SPRR5: variants seen among roughly 807,000 people sequenced by gnomAD.
SPRR5 encodes the protein small proline-rich protein 5.
Position 152,948,380 on chromosome 1 carries a change from G to GCA in SPRR5, c.-18-156_-18-155insAC, listed in dbSNP as rs201730344. The stretch of plus-strand genomic sequence containing the variant: ...GTAAACACTTAAAGTTTACACATGC[G>GCA]CGCGCGCACACACACACACACACTC... On this transcript the variant is annotated intron_variant, in intron 1 of 1. Transcript: ENST00000636302. Among the ~76,000 whole-genome samples, 123 of 138,004 alleles carry GCA rather than the reference G, an allele frequency of 8.9e-4. 1 individual carries two copies. In the East Asian group the frequency reaches 0.024, roughly 27 times the overall value. 90.5% of individuals were successfully genotyped at this position (138,004 alleles called of 152,430 possible).
In SPRR5 at chr1:152,948,584, T is replaced by TGCCC; in HGVS notation, c.30_31insGCCC (p.Pro11AlafsTer167). The stretch of plus-strand genomic sequence containing the variant: ...CTCAGCAGAAGCAGAAGCAGTGTGC[T>TGCCC]CCCCCGCAGCAGTGCTGCCCCCCAC... On this transcript the variant is annotated frameshift_variant, in exon 2 of 2. Coordinates refer to ENST00000636302, the Ensembl canonical transcript of SPRR5. LOFTEE classifies it high-confidence loss of function. 1 of 298,438 alleles carries TGCCC rather than the reference T, an allele frequency of 3.4e-6. No homozygotes were observed. The allele number at this position is 298,438 out of a possible 1,614,324, so 18.5% of individuals were successfully genotyped here. A position where few individuals can be genotyped will look rare whatever the true frequency, so the allele number is the denominator to read the frequency against.
At chr1:152,948,933 T>C in exon 2 of SPRR5, 1 of 190,778 alleles carries the variant, frequency 5.2e-6, no homozygotes, top group East Asian at 1.2e-4. Context: ...GAGCATGAAG[T>C]TCCTTCTGGG....
chr1:152,947,897 C>A (rs189110649), intron 1 of SPRR5, among the ~76,000 whole-genome samples: 118 of 152,218 alleles, frequency 7.8e-4, no homozygotes, highest in Non-Finnish European at 1.3e-3. Flanking sequence ...GGTTAAGATG[C>A]GCCTTTTAAA....
intron 1 of SPRR5, 57 bp from the exon 2 acceptor site, chr1:152,948,480 G>A: frequency 7.0e-6 from 2 of 283,896 alleles, no homozygotes; most frequent in Non-Finnish European, 1.3e-5. Flanking sequence ...GTTCACCTGG[G>A]CTTAGGGTCT....
At chr1:152,947,369 C>T (rs753173023) in intron 1 of SPRR5, 121 bp downstream of exon 1, 1 of 152,286 alleles carries the variant, frequency 6.6e-6, no homozygotes, top group African/African-American at 2.4e-5. Flanking sequence ...TGGGGTACCT[C>T]TTTTTTCCAT....
chr1:152,948,501 CA>C (rs1284699793), intron 1 of SPRR5, 35 bp from the exon 2 acceptor site: 1 of 306,998 alleles, frequency 3.3e-6, no homozygotes, highest in Non-Finnish European at 6.0e-6. Flanking sequence ...CTCTATGGCT[CA>C]AGTGTTCCTC....
chr1:152,947,767 C>G (rs1651095523), intron 1 of SPRR5, among the ~76,000 whole-genome samples: 1 of 152,154 alleles, frequency 6.6e-6, no homozygotes, highest in African/African-American at 2.4e-5. Flanking sequence ...TGCCGAGTGG[C>G]TTTGAAGCCA....
At chr1:152,948,923 G>T in exon 2 of SPRR5, 1 of 208,178 alleles carries the variant, frequency 4.8e-6, no homozygotes, top group Non-Finnish European at 9.7e-6. Context: ...AGGAAAAACA[G>T]AGCATGAAGT....
rs973029150 is a variant in SPRR5 at position 152,948,060 on chromosome 1, C to G, written c.-18-477C>G. Reference sequence around the variant, plus strand: ...TACTCATTTAATTTTTGCACCAACTCTAAGAGAGGTAAGTATGGAAAACCT... The same window carrying G: ...TACTCATTTAATTTTTGCACCAACTGTAAGAGAGGTAAGTATGGAAAACCT... On this transcript the variant is annotated intron_variant, in intron 1 of 1. Coordinates refer to ENST00000636302, the Ensembl canonical transcript of SPRR5. Among the ~76,000 whole-genome samples the G allele has an allele frequency of 2.6e-5, 4 of 152,132 alleles. No homozygotes were observed. The South Asian group carries it at 6.2e-4, about 24-fold the overall frequency.
chr1:152,947,346 A>T (rs532766837), intron 1 of SPRR5, 98 bp downstream of exon 1: 1 of 152,370 alleles, frequency 6.6e-6, no homozygotes, highest in African/African-American at 2.4e-5. Context: ...GTGGTCAGAA[A>T]GGATGGGTCT....
chr1:152,947,461 A>AG (rs1168679864), intron 1 of SPRR5, among the ~76,000 whole-genome samples: 1 of 152,046 alleles, frequency 6.6e-6, no homozygotes, highest in Non-Finnish European at 1.5e-5. Flanking sequence ...AGGGAGAAGG[A>AG]GGGGGGTATC....
chr1:152,947,643 T>C (rs918325480), intron 1 of SPRR5, among the ~76,000 whole-genome samples: 4 of 152,138 alleles, frequency 2.6e-5, no homozygotes, highest in Non-Finnish European at 4.4e-5. Context: ...ACAGACTCCC[T>C]TGGGACAGCA....
intron 1 of SPRR5, 60 bp downstream of exon 1, chr1:152,947,308 A>G (rs1651084633): frequency 6.6e-6 from 1 of 152,240 alleles, no homozygotes; most frequent in African/African-American, 2.4e-5. Flanking sequence ...TCCCTAACCA[A>G]CTATGGACTG....
At chr1:152,949,070 C>T (rs1421650373) in exon 2 of SPRR5, 1 of 154,280 alleles carries the variant, frequency 6.5e-6, no homozygotes, top group East Asian at 1.9e-4. Context: ...GAGCTCTACT[C>T]TTCTTAATTA....
intron 1 of SPRR5, 119 bp downstream of exon 1, chr1:152,947,367 C>T (rs1459180205): frequency 1.3e-5 from 2 of 152,266 alleles, no homozygotes; most frequent in African/African-American, 2.4e-5. Context: ...TTTGGGGTAC[C>T]TCTTTTTTCC....
At chr1:152,947,271 T>G (rs1164551903) in intron 1 of SPRR5, 23 bp downstream of exon 1, 1 of 152,280 alleles carries the variant, frequency 6.6e-6, no homozygotes, top group Non-Finnish European at 1.5e-5. Flanking sequence ...AGGTAGTACC[T>G]CTTATAGCAG....
exon 2 of SPRR5, chr1:152,949,138 C>T (rs1264598512): frequency 1.3e-5 from 2 of 152,416 alleles, no homozygotes; most frequent in Non-Finnish European, 2.9e-5. Flanking sequence ...AATCATCTTT[C>T]CTGACATGCA....
At position 152,948,487 on chromosome 1, in the gene SPRR5, G is replaced by C. The variant is rs377505813; in HGVS notation, c.-18-50G>C. 256 of 292,058 alleles carry C rather than the reference G, an allele frequency of 8.8e-4. 12 individuals are homozygous for C. In the South Asian group the frequency reaches 0.036, roughly 41 times the overall value. 18.1% of individuals were successfully genotyped at this position (292,058 alleles called of 1,614,324 possible). The stretch of plus-strand genomic sequence containing the variant: ...GGCAGGGGGTTCACCTGGGCTTAGG[G>C]TCTCTCTATGGCTCAAGTGTTCCTC... On this transcript the variant is annotated intron_variant, in intron 1 of 1. Transcript: ENST00000636302.
intron 1 of SPRR5, among the ~76,000 whole-genome samples, chr1:152,947,629 G>A (rs1255427713): frequency 6.6e-6 from 1 of 152,176 alleles, no homozygotes; most frequent in African/African-American, 2.4e-5. Context: ...AGGAAGGAAA[G>A]AGAACAGACT....
Sources: allele counts gnomAD v4.1 joint callset (sites outside exome capture counted in the v4.1 genomes callset), GRCh38; gene constraint gnomAD v4.1.1; transcripts MANE v1.5; gene names NCBI Gene and HGNC (gene_info 2026-07-23, HGNC 2026-07-21).